Variants in KIAA0513 observed in about 807,000 individuals in gnomAD.
The protein encoded by KIAA0513 is KIAA0513.
KIAA0513 carries 39 observed loss-of-function variants against 56.5 expected under a neutral mutation model. The observed-to-expected ratio is 0.69, with a 90% CI of 0.53 to 0.90. KIAA0513 has a LOEUF of 0.90. Ranked by LOEUF, KIAA0513 falls within the 40% of genes least tolerant of loss-of-function variation. The probability of loss-of-function intolerance (pLI) is 0.00; values close to 1 mark genes in which losing one functional copy is unlikely to be tolerated. For synonymous variants in KIAA0513, 268 were observed against 215.6 expected, an observed-to-expected ratio of 1.24 and a Z score of -2.13; for missense variants, 591 against 535.2, an observed-to-expected ratio of 1.10 and a Z score of -1.03.
intron 12 of KIAA0513, 72 bp downstream of exon 12, chr16:85,087,238 C>G: frequency 8.3e-7 from 1 of 1,204,474 alleles, no homozygotes; most frequent in East Asian, 2.3e-5. Context: ...TGCCCGCTGG[C>G]GCTTCTGCAC....
intron 1 of KIAA0513, among the ~76,000 whole-genome samples, chr16:85,034,519 T>C (rs997744240): frequency 5.9e-5 from 9 of 151,950 alleles, no homozygotes; most frequent in African/African-American, 2.2e-4. Flanking sequence ...CTTTTATTTA[T>C]GGGGTGGTTT....
At chr16:85,071,048 T>A (rs924768875) in intron 2 of KIAA0513, among the ~76,000 whole-genome samples, 3 of 152,254 alleles carry the variant, frequency 2.0e-5, no homozygotes, top group Non-Finnish European at 4.4e-5. Flanking sequence ...ATAAGCCAAG[T>A]GATCTTCAGC....
Position 85,081,983 on chromosome 16 carries a change from G to A in KIAA0513, c.981-581G>A, listed in dbSNP as rs2073750951. Among the ~76,000 whole-genome samples, 1 of 152,214 alleles carries A rather than the reference G, an allele frequency of 6.6e-6. No individual in the cohort carries two copies. Among genetic ancestry groups the A allele is most frequent in the African/African-American group, 2.4e-5 (1 of 41,446 alleles). ...TGCAGCGACATGACAGCGAGGGACGGCAGCCCCTGGGGGAGCCCCTTCCAG... is the reference window on the plus strand; with the variant it reads ...TGCAGCGACATGACAGCGAGGGACGACAGCCCCTGGGGGAGCCCCTTCCAG... On this transcript the variant is annotated intron_variant, in intron 9 of 12. Transcript: ENST00000683363. The surrounding 1 kb of genome is among the most constrained non-coding windows in gnomAD (Gnocchi z 4.4).
In KIAA0513 at chr16:85,081,408, G is replaced by T; in HGVS notation, c.980+16G>T. The T allele has an allele frequency of 6.4e-7, 1 of 1,551,374 alleles. No homozygotes were observed. ...CCACTACCAGGTAGGAGCAAAGTGT[G>T]GCCCCATTTGGCCTCAGGAAAAAGG... On this transcript the variant is annotated intron_variant, in intron 9 of 12. Transcript: ENST00000683363. The surrounding 1 kb of genome is among the most constrained non-coding windows in gnomAD (Gnocchi z 4.4).
intron 1 of KIAA0513, among the ~76,000 whole-genome samples, chr16:85,050,463 C>A (rs1367656395): frequency 6.6e-6 from 1 of 151,874 alleles, no homozygotes; most frequent in Non-Finnish European, 1.5e-5. Context: ...CATTCTCCTG[C>A]CTCAGCCTTG....
chr16:85,032,465 T>C (rs1025516718), intron 1 of KIAA0513, among the ~76,000 whole-genome samples: 1 of 152,210 alleles, frequency 6.6e-6, no homozygotes, highest in Non-Finnish European at 1.5e-5. Context: ...CCCATGTAGC[T>C]GGGATTACAG....
intron 5 of KIAA0513, 99 bp from the exon 6 acceptor site, chr16:85,077,326 A>T: frequency 9.0e-7 from 1 of 1,116,972 alleles, no homozygotes. Flanking sequence ...CCGTATCCCC[A>T]CTGCACAGGA....
chr16:85,056,480 G>A (rs1444123406), intron 1 of KIAA0513, among the ~76,000 whole-genome samples: 1 of 152,176 alleles, frequency 6.6e-6, no homozygotes, highest in East Asian at 1.9e-4. Flanking sequence ...CACGGGAAAT[G>A]CCTGACTTTC....
Position 85,036,577 on chromosome 16 carries a change from C to T in KIAA0513, c.-173+8719C>T, listed in dbSNP as rs2073039362. On this transcript the variant is annotated intron_variant, in intron 1 of 12. Coordinates refer to ENST00000683363, the MANE Select transcript of KIAA0513 (RefSeq NM_001388359.1). ...GCCTTCTGGCCCTCTGCACTCGTCT[C>T]CATCTGCCCTCTTGCAGATGGAGCC... 2.0e-5 allele frequency among the ~76,000 whole-genome samples: 3 copies of T among 151,752 alleles called. No homozygotes were observed. The South Asian group carries it at 6.3e-4, about 32-fold the overall frequency.
intron 3 of KIAA0513, 48 bp from the exon 4 acceptor site, chr16:85,072,877 C>T (rs375072229): frequency 3.3e-5 from 51 of 1,561,954 alleles, no homozygotes; most frequent in East Asian, 2.2e-5. Flanking sequence ...CTGAGTGCTG[C>T]GTGTGTCGCC....
At position 85,076,671 on chromosome 16, in the gene KIAA0513, A is replaced by C. The variant is rs1053500000; in HGVS notation, c.575-754A>C. 6.6e-6 allele frequency among the ~76,000 whole-genome samples: 1 copy of C among 152,046 alleles called. No homozygotes were observed. The highest frequency in any genetic ancestry group is 2.4e-5 in the African/African-American group (1 of 41,380). On this transcript the variant is annotated intron_variant, in intron 5 of 12. Coordinates refer to ENST00000683363, the MANE Select transcript of KIAA0513 (RefSeq NM_001388359.1). The surrounding 1 kb of genome is among the most constrained non-coding windows in gnomAD (Gnocchi z 4.7). ...CACAGCCATCCTCTCCGCACCCCTC[A>C]GTTCAGTTGGTCCAACTGCCATGGC...
chr16:85,067,950 A>G (rs1008411954), intron 2 of KIAA0513, among the ~76,000 whole-genome samples: 1 of 151,832 alleles, frequency 6.6e-6, no homozygotes, highest in Admixed American at 6.6e-5. Context: ...AGCTGGGACT[A>G]TAAGCACCCA....
chr16:85,036,693 C>G (rs1345940805), intron 1 of KIAA0513, among the ~76,000 whole-genome samples: 2 of 152,162 alleles, frequency 1.3e-5, no homozygotes, highest in Non-Finnish European at 2.9e-5. Flanking sequence ...ACAGTGTTCC[C>G]GTACTTTCCT....
intron 3 of KIAA0513, among the ~76,000 whole-genome samples, 167 bp downstream of exon 3, chr16:85,072,049 G>T (rs930980856): frequency 1.3e-5 from 2 of 152,132 alleles, no homozygotes; most frequent in African/African-American, 4.8e-5. Flanking sequence ...CTGAAAAGGA[G>T]TGTTTAGAAT....
chr16:85,038,716 A>G (rs2073066924), intron 1 of KIAA0513, among the ~76,000 whole-genome samples: 1 of 150,038 alleles, frequency 6.7e-6, no homozygotes, highest in Admixed American at 6.6e-5. Context: ...TCAAAAAAAA[A>G]AAAAAAATAA....
intron 1 of KIAA0513, among the ~76,000 whole-genome samples, chr16:85,041,358 G>A (rs1039869566): frequency 7.9e-5 from 12 of 152,264 alleles, no homozygotes; most frequent in African/African-American, 2.2e-4. Context: ...CCCAAAGAAC[G>A]CAGCCCTTGA....
Position 85,081,123 on chromosome 16 carries a change from A to T in KIAA0513, c.903-192A>T, listed in dbSNP as rs951627142. 3.9e-5 allele frequency among the ~76,000 whole-genome samples: 6 copies of T among 152,166 alleles called. No individual in the cohort carries two copies. Among genetic ancestry groups the T allele is most frequent in the African/African-American group, 1.4e-4 (6 of 41,442 alleles). ...TCCTAAGAGATACGCAGCCGCTGGG[A>T]GCCCCAGGGAAACAGCTGTAATTAG... On this transcript the variant is annotated intron_variant, in intron 8 of 12. Transcript: ENST00000683363. This position sits in a 1 kb window ranked among gnomAD's most constrained non-coding sequence, Gnocchi z 4.4.
At chr16:85,071,245 C>T (rs540101365) in intron 2 of KIAA0513, among the ~76,000 whole-genome samples, 3 of 152,134 alleles carry the variant, frequency 2.0e-5, no homozygotes, top group Non-Finnish European at 4.4e-5. Context: ...TGAGCAGCCT[C>T]GCTCCAGAAG....
chr16:85,029,825 A>G (rs1187316710), intron 1 of KIAA0513, among the ~76,000 whole-genome samples: 1 of 152,224 alleles, frequency 6.6e-6, no homozygotes, highest in Non-Finnish European at 1.5e-5. Context: ...GGGTTTTCCC[A>G]TGCAGACTCT....
Sources: allele counts gnomAD v4.1 joint callset (sites outside exome capture counted in the v4.1 genomes callset), GRCh38; gene constraint gnomAD v4.1.1; non-coding constraint Gnocchi (gnomAD v3.1); transcripts MANE v1.5; gene names NCBI Gene and HGNC (gene_info 2026-07-23, HGNC 2026-07-21).